ADAM15: variants seen among roughly 807,000 people sequenced by gnomAD.
The protein encoded by ADAM15 is disintegrin and metalloproteinase domain-containing protein 15.
In ADAM15, 77 loss-of-function variants were observed where a neutral mutation model predicts 113.8. That is an observed-to-expected ratio of 0.68 (90% CI 0.56 to 0.82). The LOEUF (loss-of-function observed/expected upper bound fraction) is 0.82, where lower values mean the gene tolerates loss of function less well. ADAM15 is among the 40% of genes least tolerant of loss of function. The probability of loss-of-function intolerance (pLI) is 0.00; values close to 1 mark genes in which losing one functional copy is unlikely to be tolerated. For synonymous variants in ADAM15, 388 were observed against 454.1 expected, an observed-to-expected ratio of 0.85 and a Z score of 1.85; for missense variants, 963 against 1,120.1, an observed-to-expected ratio of 0.86 and a Z score of 2.00.
intron 2 of ADAM15, among the ~76,000 whole-genome samples, chr1:155,053,025 T>G (rs951309702): frequency 3.3e-5 from 5 of 151,956 alleles, no homozygotes; most frequent in African/African-American, 1.2e-4. Flanking sequence ...CTGGGGAAAT[T>G]GTGAAGCCAA....
chr1:155,062,610 C>T lies in ADAM15; in HGVS notation c.*108C>T, dbSNP rs1662808725. ...TGAAGGCGCCAGAGACTGGCGGTGT[C>T]TTAAGACTCCGGGCACCGCCACGCG... is the stretch of plus-strand genomic sequence containing the variant. On this transcript the variant is annotated 3_prime_UTR_variant, in exon 23 of 23. Transcript: ENST00000356955. This position sits in a 1 kb window ranked among gnomAD's most constrained non-coding sequence, Gnocchi z 7.0. 1.2e-5 allele frequency: 18 copies of T among 1,448,338 alleles called. No homozygotes were observed. Among genetic ancestry groups the T allele is most frequent in the Admixed American group, 2.1e-5 (1 of 47,814 alleles). 89.7% of individuals were successfully genotyped at this position (1,448,338 alleles called of 1,614,324 possible).
rs747109094 is a variant in ADAM15 at position 155,055,961 on chromosome 1, G to A, written c.705G>A (p.Leu235=). 10 of 1,614,000 alleles carry A rather than the reference G, an allele frequency of 6.2e-6. No homozygotes were observed. The highest frequency in any genetic ancestry group is 1.6e-4 in the Middle Eastern group (1 of 6,084). Residue 235 remains leucine, a synonymous_variant, in exon 8 of 23, where the codon CTG becomes CTA. Coordinates refer to ENST00000356955, the MANE Select transcript of ADAM15 (RefSeq NM_207197.3). Reference sequence around the variant, plus strand: ...AGAAATACCGGGACTTCCAGCACCTGCTAAACCGCACACTGGAAGTGGCCC... The same window carrying A: ...AGAAATACCGGGACTTCCAGCACCTACTAAACCGCACACTGGAAGTGGCCC... The part of the protein sequence containing the change: ...EAQKYRDFQH[L]LNRTLEVALL...
In ADAM15 at chr1:155,057,883, C is replaced by G. The variant is rs964484022; in HGVS notation, c.1449C>G (p.Thr483=). Residue 483 remains threonine, a synonymous_variant, in exon 14 of 23, where the codon ACC becomes ACG. Transcript: ENST00000356955. This position sits in a 1 kb window ranked among gnomAD's most constrained non-coding sequence, Gnocchi z 5.0. The part of the protein sequence containing the change: ...LRPSGWQCRP[T]RGDCDLPEFC... ...CGTCTGGCTGGCAGTGTCGTCCTAC[C>G]AGAGGGGATTGTGACTTGCCTGAAT... 1.9e-6 allele frequency: 3 copies of G among 1,613,370 alleles called. No individual in the cohort carries two copies. In the South Asian group the frequency reaches 3.3e-5, roughly 18 times the overall value.
intron 16 of ADAM15, among the ~76,000 whole-genome samples, chr1:155,059,060 TTTTG>T (rs1225232226): frequency 3.3e-5 from 5 of 152,172 alleles, no homozygotes; most frequent in Middle Eastern, 3.4e-3. Flanking sequence ...ATCACAGTTT[TTTTG>T]TTTGTTTGTT....
intron 3 of ADAM15, 77 bp from the exon 4 acceptor site, chr1:155,053,833 C>G: frequency 6.5e-7 from 1 of 1,539,104 alleles, no homozygotes; most frequent in Non-Finnish European, 8.9e-7. Flanking sequence ...GCCCCACAAC[C>G]ACCTTCAAGC....
chr1:155,052,744 C>T lies in ADAM15; in HGVS notation c.153C>T (p.Asp51=), dbSNP rs140265124. 1.6e-5 allele frequency: 25 copies of T among 1,612,288 alleles called. No homozygotes were observed. The African/African-American group carries it at 2.4e-4, about 16-fold the overall frequency. The part of the protein sequence containing the change: ...REPLEPQVLQ[D]DLPISLKKVL... Reference sequence around the variant, plus strand: ...CCTTGGAGCCCCAGGTCCTTCAGGACGATCTCCCAATTAGCCTCAAAAAGG... The same window carrying T: ...CCTTGGAGCCCCAGGTCCTTCAGGATGATCTCCCAATTAGCCTCAAAAAGG... Residue 51 remains aspartate, a synonymous_variant, in exon 2 of 23, where the codon GAC becomes GAT. Transcript: ENST00000356955.
chr1:155,051,721 TCAGGTAC>T (rs1372081110), intron 1 of ADAM15: 3 of 388,710 alleles, frequency 7.7e-6, no homozygotes, highest in Admixed American at 4.8e-5. Context: ...ACTTTCAGGC[TCAGGTAC>T]CAGGTACCGA....
In ADAM15 at chr1:155,056,370, CCT is replaced by C. The variant is rs1272457482; in HGVS notation, c.915-11_915-10del. 7 of 1,613,720 alleles carry C rather than the reference CCT, an allele frequency of 4.3e-6. No homozygotes were observed. Among genetic ancestry groups the C allele is most frequent in the Non-Finnish European group, 4.2e-6 (5 of 1,179,670 alleles). ...CGTGGCTTCTGGCCCTGAACTTTAG[CCT>C]CTCTGTCCCACAGTGGTACTTCATT... On this transcript the variant is annotated splice_polypyrimidine_tract_variant and intron_variant, in intron 9 of 22. Transcript: ENST00000356955. The surrounding 1 kb of genome is among the most constrained non-coding windows in gnomAD (Gnocchi z 4.0).
intron 7 of ADAM15, 22 bp from the exon 8 acceptor site, chr1:155,055,910 T>C (rs1390034254): frequency 1.2e-6 from 2 of 1,614,218 alleles, no homozygotes; most frequent in Non-Finnish European, 1.7e-6. Flanking sequence ...CCGCCTTTCA[T>C]GTCACCTCTC....
rs1047883346 is a variant in ADAM15 at position 155,051,597 on chromosome 1, C to A, written c.79+132C>A. 9.3e-5 allele frequency: 79 copies of A among 851,926 alleles called. 1 individual carries two copies. The Admixed American group carries it at 2.5e-3, about 27-fold the overall frequency. 52.8% of individuals were successfully genotyped at this position (851,926 alleles called of 1,614,324 possible). ...AGCCAGAGCGCGGCCCGCCCTGGTC[C>A]GCTGTCCTGGGCCTAGGGCCCGGTG... On this transcript the variant is annotated intron_variant, in intron 1 of 22. Transcript: ENST00000356955.
rs199836198 is a variant in ADAM15 at position 155,056,138 on chromosome 1, G to A, written c.803G>A (p.Arg268His). The change falls in exon 9 of 23, where the codon CGT becomes CAT. Residue 268 changes from arginine to histidine, a missense_variant. Transcript: ENST00000356955. This position sits in a 1 kb window ranked among gnomAD's most constrained non-coding sequence, Gnocchi z 4.0. ...GTGGGCCTGGAGGCCTGGACCCAGC[G>A]TGACCTGGTGGAGATCAGCCCAAAC... is the stretch of plus-strand genomic sequence containing the variant. ...ALVGLEAWTQ[R>H]DLVEISPNPA... is the part of the protein sequence containing the mutation. 3.8e-5 allele frequency: 62 copies of A among 1,613,812 alleles called. No individual in the cohort carries two copies. Among genetic ancestry groups the A allele is most frequent in the Admixed American group, 1.2e-4 (7 of 59,998 alleles).
rs757804617 is a variant in ADAM15, at chr1:155,051,383, T to G, written c.-4T>G. The G allele has an allele frequency of 1.1e-5, 16 of 1,511,686 alleles. No individual in the cohort carries two copies. In the South Asian group the frequency reaches 1.6e-4, roughly 15 times the overall value. 93.6% of individuals were successfully genotyped at this position (1,511,686 alleles called of 1,614,324 possible). A position where few individuals can be genotyped will look rare whatever the true frequency, so the allele number is the denominator to read the frequency against. ...GCCCTCGCCCGGCCCGGAGCGCCGCTGCCATGCGGCTGGCGCTGCTCTGGG... is the reference window on the plus strand; with the variant it reads ...GCCCTCGCCCGGCCCGGAGCGCCGCGGCCATGCGGCTGGCGCTGCTCTGGG... On this transcript the variant is annotated 5_prime_UTR_variant, in exon 1 of 23. Coordinates refer to ENST00000356955, the MANE Select transcript of ADAM15 (RefSeq NM_207197.3).
At chr1:155,061,309 C>G (rs1360823511) in intron 19 of ADAM15, 106 bp from the exon 20 acceptor site, 8 of 768,108 alleles carry the variant, frequency 1.0e-5, no homozygotes, top group Non-Finnish European at 1.7e-5. Context: ...CACCCACTGC[C>G]CTGGGCCCCT....
Position 155,062,709 on chromosome 1 carries a change from G to A in ADAM15, c.*207G>A. Reference sequence around the variant, plus strand: ...TTGGGGAGGGGCTGGGGGTTGGACGGGATTGAGGAAGGTCCGCACAGCCTG... The same window carrying A: ...TTGGGGAGGGGCTGGGGGTTGGACGAGATTGAGGAAGGTCCGCACAGCCTG... On this transcript the variant is annotated 3_prime_UTR_variant, in exon 23 of 23. Coordinates refer to ENST00000356955, the MANE Select transcript of ADAM15 (RefSeq NM_207197.3). The surrounding 1 kb of genome is among the most constrained non-coding windows in gnomAD (Gnocchi z 7.0). 1.5e-6 allele frequency: 1 copy of A among 664,162 alleles called. No homozygotes were observed. Among genetic ancestry groups the A allele is most frequent in the Non-Finnish European group, 2.5e-6 (1 of 398,626 alleles). The allele number at this position is 664,162 out of a possible 1,614,324, so 41.1% of individuals were successfully genotyped here. A position where few individuals can be genotyped will look rare whatever the true frequency, so the allele number is the denominator to read the frequency against.
chr1:155,052,467 G>A (rs1014239059), intron 1 of ADAM15: 3 of 1,523,636 alleles, frequency 2.0e-6, no homozygotes. Flanking sequence ...ACTTGTGAAT[G>A]GGTTGGTGGG....
At chr1:155,053,882 C>T in intron 3 of ADAM15, 28 bp from the exon 4 acceptor site, 2 of 1,611,888 alleles carry the variant, frequency 1.2e-6, no homozygotes, top group Non-Finnish European at 8.5e-7. Context: ...GTGGCTTTAG[C>T]ACTGCCTTCT....
In ADAM15 at chr1:155,060,151, A is replaced by G. The variant is rs906257875; in HGVS notation, c.2069-54A>G. 5.0e-6 allele frequency: 8 copies of G among 1,602,748 alleles called. No individual in the cohort carries two copies. In the Admixed American group the frequency reaches 1.0e-4, roughly 20 times the overall value. ...TTCACTCCCTGCCCCCTGCGCCTTC[A>G]TGGATCTAGAGTTCTTAGCCCCGTC... On this transcript the variant is annotated intron_variant, in intron 17 of 22. Transcript: ENST00000356955.
At chr1:155,053,175 A>T (rs1429616288) in intron 2 of ADAM15, among the ~76,000 whole-genome samples, 4 of 123,960 alleles carry the variant, frequency 3.2e-5, no homozygotes, top group Admixed American at 1.1e-4. Context: ...TGGGTCCTAC[A>T]CGGTGCTTCC....
chr1:155,053,880 AG>A, intron 3 of ADAM15, 29 bp from the exon 4 acceptor site: 1 of 1,611,306 alleles, frequency 6.2e-7, no homozygotes, highest in Non-Finnish European at 8.5e-7. Flanking sequence ...AAGTGGCTTT[AG>A]CACTGCCTTC....
Sources: allele counts gnomAD v4.1 joint callset (sites outside exome capture counted in the v4.1 genomes callset), GRCh38; gene constraint gnomAD v4.1.1; non-coding constraint Gnocchi (gnomAD v3.1); transcripts MANE v1.5; gene names NCBI Gene and HGNC (gene_info 2026-07-23, HGNC 2026-07-21).